The following DNAH8 variants were observed in gnomAD, a reference collection of about 807,000 sequenced individuals.
DNAH8 encodes the protein axonemal beta dynein heavy chain 8.
In DNAH8, 382 loss-of-function variants were observed where a neutral mutation model predicts 562.1. The ratio of observed to expected loss-of-function variants is 0.68; its 90% confidence interval spans 0.63 to 0.74. The LOEUF is 0.74. Among genes scored for constraint, DNAH8 ranks in the 30% least tolerant of loss-of-function variants. DNAH8 has a pLI of 0.00. For missense variants in DNAH8, 5,203 were observed against 5,620.4 expected (o/e 0.93, Z 2.37); for synonymous variants, 1,881 against 1,919.4 (o/e 0.98, Z 0.52).
At chr6:38,990,763 C>G (rs560685380) in intron 88 of DNAH8, among the ~76,000 whole-genome samples, 1 of 152,278 alleles carries the variant, frequency 6.6e-6, no homozygotes, top group East Asian at 1.9e-4. Flanking sequence ...GAGGTCCCTG[C>G]TCCACTCATC....
intron 47 of DNAH8, among the ~76,000 whole-genome samples, chr6:38,867,760 A>AAC (rs1563048591): frequency 2.0e-5 from 3 of 149,486 alleles, no homozygotes; most frequent in African/African-American, 2.4e-5. Flanking sequence ...CTCAAAAAAA[A>AAC]AAAAAAAAAA....
chr6:38,760,151 A>G (rs1766350164), intron 10 of DNAH8, among the ~76,000 whole-genome samples: 1 of 151,984 alleles, frequency 6.6e-6, no homozygotes, highest in Non-Finnish European at 1.5e-5. Context: ...TGGATTCATT[A>G]TTTCTTTTGC....
At chr6:38,848,166 C>T (rs2150382205) in intron 36 of DNAH8, among the ~76,000 whole-genome samples, 1 of 152,278 alleles carries the variant, frequency 6.6e-6, no homozygotes, top group Admixed American at 6.5e-5. Context: ...TAGTCTGTCT[C>T]TTGCTGGATG....
chr6:38,892,400 C>A (rs1165749443), intron 58 of DNAH8, among the ~76,000 whole-genome samples: 1 of 152,164 alleles, frequency 6.6e-6, no homozygotes, highest in Non-Finnish European at 1.5e-5. Flanking sequence ...TCTTTAAATA[C>A]AATCCTCTCT....
chr6:38,922,971 C>T, intron 71 of DNAH8, 87 bp from the exon 72 acceptor site: 6 of 1,344,012 alleles, frequency 4.5e-6, no homozygotes, highest in Non-Finnish European at 6.1e-6. Flanking sequence ...AGAAATTCCC[C>T]CATGTATTTT....
At chr6:39,023,267 C>G (rs768434750) in intron 91 of DNAH8, among the ~76,000 whole-genome samples, 84 of 152,142 alleles carry the variant, frequency 5.5e-4, no homozygotes, top group African/African-American at 1.3e-3. Flanking sequence ...CCGAGGCAGG[C>G]GGATCACGAG....
At chr6:38,949,716 ATAAGAAATGTATG>A in intron 81 of DNAH8, 146 bp downstream of exon 81, 1 of 595,272 alleles carries the variant, frequency 1.7e-6, no homozygotes, top group Non-Finnish European at 3.0e-6. Context: ...ACCTAATATT[ATAAGAAATGTATG>A]TACTTCCAAA....
chr6:38,984,105 G>A (rs745975155), intron 86 of DNAH8, 101 bp from the exon 87 acceptor site: 88 of 648,098 alleles, frequency 1.4e-4, no homozygotes, highest in Non-Finnish European at 2.3e-4. Flanking sequence ...AGTCTAGTGA[G>A]TGCTTCCTTT....
intron 91 of DNAH8, among the ~76,000 whole-genome samples, chr6:39,021,828 C>A (rs966056430): frequency 1.3e-5 from 2 of 152,192 alleles, no homozygotes; most frequent in Non-Finnish European, 2.9e-5. Flanking sequence ...TAGTGTAAAT[C>A]ATTACAAAAT....
intron 10 of DNAH8, among the ~76,000 whole-genome samples, chr6:38,757,923 GCC>G (rs1766086682): frequency 6.6e-6 from 1 of 152,150 alleles, no homozygotes; most frequent in Non-Finnish European, 1.5e-5. Flanking sequence ...GGTTACTGTA[GCC>G]TTGTAGTATA....
chr6:38,864,613 C>G (rs1467650966), intron 45 of DNAH8, among the ~76,000 whole-genome samples: 1 of 150,308 alleles, frequency 6.7e-6, no homozygotes, highest in Non-Finnish European at 1.5e-5. Context: ...TGCTCTGACT[C>G]TTAGAGTTTC....
Position 38,898,048 on chromosome 6 carries a change from A to G in DNAH8, c.8941-210A>G, listed in dbSNP as rs564138004. Among the ~76,000 whole-genome samples the G allele has an allele frequency of 1.4e-3, 210 of 152,324 alleles. 1 individual carries two copies. Among genetic ancestry groups the G allele is most frequent in the Non-Finnish European group, 2.3e-3 (158 of 68,026 alleles). On this transcript the variant is annotated intron_variant, in intron 60 of 92. Coordinates refer to ENST00000327475, the MANE Select transcript of DNAH8 (RefSeq NM_001206927.2). ...AGGGAAAGGTCAGAAATGATTTTGC[A>G]CTAGAAACCAACTAATACAGTTAAG...
intron 7 of DNAH8, among the ~76,000 whole-genome samples, chr6:38,741,389 C>T (rs546173287): frequency 1.3e-4 from 19 of 151,786 alleles, no homozygotes; most frequent in African/African-American, 4.1e-4. Context: ...GGCAGCAGAG[C>T]GAGACCCTGC....
At chr6:38,791,516 A>G in intron 20 of DNAH8, 39 bp from the exon 21 acceptor site, 1 of 1,586,680 alleles carries the variant, frequency 6.3e-7, no homozygotes, top group Non-Finnish European at 8.5e-7. Flanking sequence ...CTCTAAAGGA[A>G]AGAAGAGTTT....
chr6:39,012,343 T>C lies in DNAH8; in HGVS notation c.13500T>C (p.Ile4500=). Residue 4500 remains isoleucine, a synonymous_variant, in exon 90 of 93, where the codon ATT becomes ATC. Coordinates refer to ENST00000327475, the MANE Select transcript of DNAH8 (RefSeq NM_001206927.2). ...GCCTGAGTGATCTAAAATTGGCCAT[T>C]GAAGGAACAATCATTATGAGTGAGG... ...RSSLSDLKLA[I]EGTIIMSENL... 2 of 1,613,014 alleles carry C rather than the reference T, an allele frequency of 1.2e-6. No homozygotes were observed.
intron 1 of DNAH8, among the ~76,000 whole-genome samples, chr6:38,720,298 C>T (rs1437889743): frequency 2.6e-5 from 4 of 152,146 alleles, no homozygotes; most frequent in Non-Finnish European, 5.9e-5. Context: ...ACTACCATCC[C>T]CATTCCTGGA....
At chr6:38,850,508 T>C in intron 38 of DNAH8, 94 bp downstream of exon 38, 1 of 1,201,870 alleles carries the variant, frequency 8.3e-7, no homozygotes, top group South Asian at 1.6e-5. Flanking sequence ...GGTTTGGTAG[T>C]GATGGTTAAA....
At chr6:38,877,732 T>TGA (rs1778137310) in intron 53 of DNAH8, among the ~76,000 whole-genome samples, 2 of 152,194 alleles carry the variant, frequency 1.3e-5, no homozygotes, top group African/African-American at 2.4e-5. Context: ...GAAGACTTCA[T>TGA]TCATAGATTT....
Position 38,760,280 on chromosome 6 carries a change from C to T in DNAH8, c.1516-1422C>T, listed in dbSNP as rs1163481757. On this transcript the variant is annotated intron_variant, in intron 10 of 92. Transcript: ENST00000327475. ...GCTAGTGTGACTTGGATTTTAAATT[C>T]GACATCATTGTCTCCTGGGAAGTTG... 5.3e-5 allele frequency among the ~76,000 whole-genome samples: 8 copies of T among 152,078 alleles called. No homozygotes were observed. In the South Asian group the frequency reaches 8.3e-4, roughly 16 times the overall value.
Sources: gnomAD v4.1 joint callset for allele counts (sites outside exome capture counted in the v4.1 genomes callset) on GRCh38, gnomAD v4.1.1 for gene constraint, MANE v1.5 for transcripts, NCBI Gene and HGNC (gene_info 2026-07-23, HGNC 2026-07-21) for gene names.